Variants in SAMD4A observed in about 807,000 individuals in gnomAD.
SAMD4A encodes the protein sterile alpha motif domain containing 4A.
A neutral mutation model predicts 81.3 loss-of-function variants in SAMD4A; 33 were observed. The ratio of observed to expected loss-of-function variants is 0.41; its 90% CI spans 0.31 to 0.54. SAMD4A has a LOEUF of 0.54. SAMD4A is among the 20% of genes least tolerant of loss of function. The pLI is 0.37. For synonymous variants in SAMD4A, 389 were observed against 382.1 expected, an observed-to-expected ratio of 1.02 and a Z score of -0.21; for missense variants, 854 against 951.1, an observed-to-expected ratio of 0.90 and a Z score of 1.34.
At chr14:54,777,617 T>A (rs2038890262) in intron 11 of SAMD4A, among the ~76,000 whole-genome samples, 1 of 151,836 alleles carries the variant, frequency 6.6e-6, no homozygotes, top group African/African-American at 2.4e-5. Context: ...CTGGGGGGAT[T>A]CCTCCACATG....
Position 54,678,769 on chromosome 14 carries a change from C to T in SAMD4A, c.197-23293C>T, listed in dbSNP as rs1177599215. 4.6e-5 allele frequency among the ~76,000 whole-genome samples: 7 copies of T among 152,100 alleles called. No individual in the cohort carries two copies. In the East Asian group the frequency reaches 1.4e-3, roughly 29 times the overall value. On this transcript the variant is annotated intron_variant, in intron 2 of 12. Transcript: ENST00000554335. ...TTCACCGTGTTAGCCAGGATGGTCT[C>T]GATCTCCTGACCTCGTGATCCGCCC...
intron 2 of SAMD4A, among the ~76,000 whole-genome samples, chr14:54,696,272 A>G (rs1460123085): frequency 1.3e-5 from 2 of 152,208 alleles, no homozygotes; most frequent in African/African-American, 2.4e-5. Context: ...AAATATCTCT[A>G]CAAATAAATA....
At chr14:54,594,751 ATATT>A (rs1346887541) in intron 2 of SAMD4A, among the ~76,000 whole-genome samples, 5 of 152,262 alleles carry the variant, frequency 3.3e-5, no homozygotes, top group Non-Finnish European at 7.3e-5. Flanking sequence ...TGAATTTAAA[ATATT>A]AAACTAGTCT....
intron 2 of SAMD4A, among the ~76,000 whole-genome samples, chr14:54,699,244 A>G (rs1439512809): frequency 6.6e-6 from 1 of 152,214 alleles, no homozygotes; most frequent in Non-Finnish European, 1.5e-5. Flanking sequence ...CTGAAGATGA[A>G]TTGAGGAGAA....
At chr14:54,760,033 A>G (rs1233435099) in intron 6 of SAMD4A, 128 bp from the exon 7 acceptor site, 1 of 927,034 alleles carries the variant, frequency 1.1e-6, no homozygotes, top group East Asian at 2.7e-5. Flanking sequence ...CCTTTTCCCA[A>G]AAACGTCCTG....
intron 2 of SAMD4A, among the ~76,000 whole-genome samples, chr14:54,675,775 C>T (rs1425976919): frequency 6.6e-6 from 1 of 152,134 alleles, no homozygotes; most frequent in Admixed American, 6.5e-5. Flanking sequence ...TACAAATGAG[C>T]TTGCCATAAT....
intron 2 of SAMD4A, among the ~76,000 whole-genome samples, chr14:54,582,626 T>C (rs1457336257): frequency 6.6e-6 from 1 of 152,160 alleles, no homozygotes; most frequent in African/African-American, 2.4e-5. Flanking sequence ...AAGTTCTGGA[T>C]TGGATCCTGG....
At chr14:54,660,761 A>G (rs1365146177) in intron 2 of SAMD4A, among the ~76,000 whole-genome samples, 1 of 152,218 alleles carries the variant, frequency 6.6e-6, no homozygotes, top group Non-Finnish European at 1.5e-5. Flanking sequence ...TTACACAGCT[A>G]TTTTACAAAG....
At chr14:54,637,313 T>C (rs1245382087) in intron 2 of SAMD4A, among the ~76,000 whole-genome samples, 11 of 134,134 alleles carry the variant, frequency 8.2e-5, no homozygotes, top group African/African-American at 3.2e-4. Flanking sequence ...TTCAGTGAGC[T>C]GAGACTGCGT....
intron 2 of SAMD4A, among the ~76,000 whole-genome samples, chr14:54,659,815 C>G (rs2035599303): frequency 2.0e-5 from 3 of 152,136 alleles, no homozygotes; most frequent in Non-Finnish European, 4.4e-5. Flanking sequence ...ACCTCAGAAC[C>G]CTGTACAATA....
chr14:54,638,584 T>C (rs1045780560), intron 2 of SAMD4A, among the ~76,000 whole-genome samples: 2 of 152,206 alleles, frequency 1.3e-5, no homozygotes, highest in Non-Finnish European at 1.5e-5. Context: ...CCTCTATAAG[T>C]CCTCGGTTTA....
rs1029352922 is a variant in SAMD4A, at chr14:54,773,635, G to A, written c.1716-1299G>A. Among the ~76,000 whole-genome samples the A allele has an allele frequency of 6.6e-5, 10 of 152,180 alleles. 1 individual carries two copies. The highest frequency in any genetic ancestry group is 2.0e-4 in the Admixed American group (3 of 15,276). ...AAGGGCTCTGGCAGCCTCCCTGCCCGGACCCAGGAGAAGCATGGACCTGCC... is the reference window on the plus strand; with the variant it reads ...AAGGGCTCTGGCAGCCTCCCTGCCCAGACCCAGGAGAAGCATGGACCTGCC... On this transcript the variant is annotated intron_variant, in intron 9 of 12. Coordinates refer to ENST00000554335, the MANE Select transcript of SAMD4A (RefSeq NM_015589.6).
At chr14:54,785,633 C>G (rs12891817) in intron 12 of SAMD4A, among the ~76,000 whole-genome samples, 1 of 152,342 alleles carries the variant, frequency 6.6e-6, no homozygotes, top group East Asian at 1.9e-4. Context: ...CCAAGACGTG[C>G]GCCACCTGGC....
At position 54,770,229 on chromosome 14, in the gene SAMD4A, T is replaced by G; in HGVS notation, c.1715+7T>G. The stretch of plus-strand genomic sequence containing the variant: ...GATATCGACAGCAAAGAAAGTATGT[T>G]GGGATTTCATTCTTTGTAATGCGTA... On this transcript the variant is annotated splice_region_variant and intron_variant, in intron 9 of 12. Transcript: ENST00000554335. The G allele has an allele frequency of 6.3e-7, 1 of 1,580,578 alleles. No homozygotes were observed. Among genetic ancestry groups the G allele is most frequent in the Non-Finnish European group, 8.7e-7 (1 of 1,150,724 alleles).
intron 2 of SAMD4A, among the ~76,000 whole-genome samples, chr14:54,684,613 C>CT (rs1491469748): frequency 2.1e-5 from 1 of 46,640 alleles, no homozygotes; most frequent in African/African-American, 5.4e-5. Flanking sequence ...GACACCCCCG[C>CT]CCCCCCCCCC....
chr14:54,736,909 A>T, intron 3 of SAMD4A, 115 bp from the exon 4 acceptor site: 1 of 1,210,536 alleles, frequency 8.3e-7, no homozygotes, highest in Non-Finnish European at 1.2e-6. Context: ...GTGACCATGG[A>T]TGGAGTTGTA....
intron 6 of SAMD4A, among the ~76,000 whole-genome samples, chr14:54,752,943 C>T (rs1235726658): frequency 6.6e-6 from 1 of 152,224 alleles, no homozygotes; most frequent in Non-Finnish European, 1.5e-5. Flanking sequence ...TGTTTCTCTC[C>T]ACCCAAACAT....
At chr14:54,786,098 C>T (rs536727942) in intron 12 of SAMD4A, among the ~76,000 whole-genome samples, 1 of 152,300 alleles carries the variant, frequency 6.6e-6, no homozygotes, top group South Asian at 2.1e-4. Flanking sequence ...AAATGTCCAC[C>T]AAAGGATGAA....
intron 2 of SAMD4A, chr14:54,681,913 C>T: frequency 1.0e-6 from 1 of 985,440 alleles, no homozygotes; most frequent in Non-Finnish European, 1.2e-6. Context: ...AGATTTATGA[C>T]TGCCGCAATA....
Sources: allele counts gnomAD v4.1 joint callset (sites outside exome capture counted in the v4.1 genomes callset), GRCh38; gene constraint gnomAD v4.1.1; transcripts MANE v1.5; gene names NCBI Gene and HGNC (gene_info 2026-07-23, HGNC 2026-07-21).